Variants in PRDM8 observed in about 807,000 individuals in gnomAD.
The protein encoded by PRDM8 is PR/SET domain 8.
In PRDM8, 13 loss-of-function variants were observed where a neutral mutation model predicts 46.5. The observed-to-expected ratio is 0.28, with a 90% CI of 0.18 to 0.44. The LOEUF is 0.44. Among genes scored for constraint, PRDM8 ranks in the 20% least tolerant of loss-of-function variants. PRDM8 has a pLI of 1.00. For synonymous variants in PRDM8, 473 were observed against 438.4 expected, an observed-to-expected ratio of 1.08 and a Z score of -0.98; for missense variants, 998 against 955.0, an observed-to-expected ratio of 1.04 and a Z score of -0.59.
chr4:80,202,479 G>A lies in PRDM8; in HGVS notation c.1017G>A (p.Arg339=), dbSNP rs930494097. The A allele has an allele frequency of 6.5e-7, 1 of 1,542,716 alleles. No homozygotes were observed. The highest frequency in any genetic ancestry group is 8.7e-7 in the Non-Finnish European group (1 of 1,146,578). ...LVGGRGRFVE[R]PLPASKEDLV... ...GGGGCCGGGGCCGCTTCGTAGAGCGGCCCCTCCCGGCCTCCAAGGAGGATC... is the reference window on the plus strand; with the variant it reads ...GGGGCCGGGGCCGCTTCGTAGAGCGACCCCTCCCGGCCTCCAAGGAGGATC... The change falls in exon 4 of 4, where the codon CGG becomes CGA. Residue 339 remains arginine, a synonymous_variant. Coordinates refer to ENST00000415738, the MANE Select transcript of PRDM8 (RefSeq NM_001099403.2).
chr4:80,188,133 C>A (rs151249943), intron 1 of PRDM8, among the ~76,000 whole-genome samples: 1 of 152,226 alleles, frequency 6.6e-6, no homozygotes, highest in Non-Finnish European at 1.5e-5. Flanking sequence ...TACCACCCCA[C>A]ACACTGACAT....
In PRDM8 at chr4:80,204,313, A is replaced by G. The variant is rs1463060873; in HGVS notation, c.*781A>G. 6.6e-6 allele frequency: 1 copy of G among 152,580 alleles called. No homozygotes were observed. The highest frequency in any genetic ancestry group is 2.4e-5 in the African/African-American group (1 of 41,436). The allele number at this position is 152,580 out of a possible 1,614,324, so 9.5% of individuals were successfully genotyped here. On this transcript the variant is annotated 3_prime_UTR_variant, in exon 4 of 4. Coordinates refer to ENST00000415738, the MANE Select transcript of PRDM8 (RefSeq NM_001099403.2). ...TTGGATGCTTTGACAATAAATGACT[A>G]TTTTCTTCAAAGCAAATATTTGGAA...
intron 1 of PRDM8, among the ~76,000 whole-genome samples, chr4:80,186,730 A>G (rs894209075): frequency 6.6e-6 from 1 of 152,212 alleles, no homozygotes; most frequent in Non-Finnish European, 1.5e-5. Flanking sequence ...CCCCTGATGC[A>G]TGCGATATTG....
chr4:80,202,074 C>G lies in PRDM8; in HGVS notation c.612C>G (p.Gly204=), dbSNP rs1286069744. The G allele has an allele frequency of 6.2e-7, 1 of 1,612,922 alleles. No homozygotes were observed. The highest frequency in any genetic ancestry group is 8.5e-7 in the Non-Finnish European group (1 of 1,179,512). ...GGGVGTKDHG[G]GGGGGKDQQQ... The stretch of plus-strand genomic sequence containing the variant: ...GCGTGGGCACCAAGGACCACGGGGG[C>G]GGCGGCGGCGGTGGCAAAGACCAGC... Residue 204 remains glycine, a synonymous_variant, in exon 4 of 4, where the codon GGC becomes GGG. Transcript: ENST00000415738.
chr4:80,193,940 G>A (rs1271542683), upstream of PRDM8, among the ~76,000 whole-genome samples: 1 of 152,196 alleles, frequency 6.6e-6, no homozygotes, highest in African/African-American at 2.4e-5. Context: ...ATTCTCATGG[G>A]ATAATAATCT....
At chr4:80,196,234 A>G, upstream of PRDM8, 2 of 936,544 alleles carry the variant, frequency 2.1e-6, no homozygotes, top group African/African-American at 1.8e-5. Flanking sequence ...TTAGCTAGCT[A>G]CACAATCCGA....
intron 1 of PRDM8, among the ~76,000 whole-genome samples, chr4:80,188,170 A>C (rs376683395): frequency 1.3e-5 from 2 of 152,234 alleles, no homozygotes; most frequent in South Asian, 4.2e-4. Flanking sequence ...TTTCTCTCCA[A>C]AGAGGAAAAA....
chr4:80,203,655 TCACCGCCC>T lies in PRDM8; in HGVS notation c.*125_*132del, dbSNP rs1738760139. On this transcript the variant is annotated 3_prime_UTR_variant, in exon 4 of 4. Transcript: ENST00000415738. ...AAACCCTGCACAAAGACACATACAT[TCACCGCCC>T]CCCCGCCCCCCCAACGCGCACACAC... is the stretch of plus-strand genomic sequence containing the variant. The T allele has an allele frequency of 1.4e-6, 2 of 1,411,070 alleles. No homozygotes were observed. Among genetic ancestry groups the T allele is most frequent in the Non-Finnish European group, 1.8e-6 (2 of 1,084,186 alleles). 87.4% of individuals were successfully genotyped at this position (1,411,070 alleles called of 1,614,324 possible). A position where few individuals can be genotyped will look rare whatever the true frequency, so the allele number is the denominator to read the frequency against.
upstream of PRDM8, among the ~76,000 whole-genome samples, chr4:80,195,807 G>A (rs968170029): frequency 5.3e-5 from 8 of 151,878 alleles, no homozygotes; most frequent in African/African-American, 1.9e-4. Flanking sequence ...CTGAATATAT[G>A]GGGATTTTGC....
intron 1 of PRDM8, among the ~76,000 whole-genome samples, chr4:80,190,724 G>C (rs1737478098): frequency 6.6e-6 from 1 of 152,224 alleles, no homozygotes; most frequent in African/African-American, 2.4e-5. Flanking sequence ...GAGTCTAGCA[G>C]GCACTTCTGT....
rs1738585930 is a variant in PRDM8, at chr4:80,202,530, A to T, written c.1068A>T (p.Arg356=). 1 of 1,534,840 alleles carries T rather than the reference A, an allele frequency of 6.5e-7. No homozygotes were observed. The highest frequency in any genetic ancestry group is 1.4e-5 in the African/African-American group (1 of 72,794). The change falls in exon 4 of 4, where the codon CGA becomes CGT. Residue 356 remains arginine (R), a synonymous_variant. Transcript: ENST00000415738. ...TGGTGTGCACACCGCAGCAGTACCG[A>T]GCCTCGGGCAGCTACTTCGGCCTGG... ...EDLVCTPQQY[R]ASGSYFGLEE...
Position 80,197,513 on chromosome 4 carries a change from T to A in PRDM8, c.-253T>A, listed in dbSNP as rs969118637. On this transcript the variant is annotated 5_prime_UTR_variant, in exon 1 of 4. Coordinates refer to ENST00000415738, the MANE Select transcript of PRDM8 (RefSeq NM_001099403.2). ...GTCTGCGTGCCAGTCAGTCACTGCA[T>A]CGGGTCCATCTGTACAACTCTCTCC... 6 of 985,818 alleles carry A rather than the reference T, an allele frequency of 6.1e-6. No individual in the cohort carries two copies. The African/African-American group carries it at 8.7e-5, about 14-fold the overall frequency. 61.1% of individuals were successfully genotyped at this position (985,818 alleles called of 1,614,324 possible). A position where few individuals can be genotyped will look rare whatever the true frequency, so the allele number is the denominator to read the frequency against.
chr4:80,203,235 C>CGCGGCT lies in PRDM8; in HGVS notation c.1779_1784dup (p.Ala597_Ala598dup), dbSNP rs1395259146. 10 of 1,555,146 alleles carry CGCGGCT rather than the reference C, an allele frequency of 6.4e-6. No homozygotes were observed. In the African/African-American group the frequency reaches 6.9e-5, roughly 11 times the overall value. On this transcript the variant is annotated inframe_insertion, in exon 4 of 4. Coordinates refer to ENST00000415738, the MANE Select transcript of PRDM8 (RefSeq NM_001099403.2). ...CCAAGAGCTCCGCTGCCGCTGCAGC[C>CGCGGCT]GCGGCTGCGGCGGCGGCCGCGGGGC... is the stretch of plus-strand genomic sequence containing the variant.
chr4:80,187,968 T>A (rs79716927), intron 1 of PRDM8, among the ~76,000 whole-genome samples: 6,294 of 152,284 alleles, frequency 0.041, 416 homozygotes, highest in African/African-American at 0.14. Context: ...TTGTTGAGTG[T>A]CTTCCATGTT....
At chr4:80,185,821 TC>T (rs1737030199) in intron 1 of PRDM8, among the ~76,000 whole-genome samples, 1 of 152,240 alleles carries the variant, frequency 6.6e-6, no homozygotes. Flanking sequence ...GTCTTCCAGT[TC>T]CCTCATAATC....
chr4:80,201,475 T>C lies in PRDM8; in HGVS notation c.405T>C (p.Thr135=). The C allele has an allele frequency of 6.2e-7, 1 of 1,614,164 alleles. No homozygotes were observed. Among genetic ancestry groups the C allele is most frequent in the Non-Finnish European group, 8.5e-7 (1 of 1,179,982 alleles). The part of the protein sequence containing the change: ...ELLVWYGKEL[T]ELLLLCPSRS... ...TAGTTTGGTACGGGAAAGAACTGACTGAGTTACTCTTGCTCTGCCCCTCTA... is the reference window on the plus strand; with the variant it reads ...TAGTTTGGTACGGGAAAGAACTGACCGAGTTACTCTTGCTCTGCCCCTCTA... Residue 135 remains threonine, a synonymous_variant, in exon 3 of 4, where the codon ACT becomes ACC. Transcript: ENST00000415738.
upstream of PRDM8, among the ~76,000 whole-genome samples, chr4:80,195,397 A>G (rs1274030123): frequency 6.6e-6 from 1 of 152,110 alleles, no homozygotes; most frequent in Non-Finnish European, 1.5e-5. Context: ...CTATTCTTCA[A>G]ACCTGAGGTT....
At chr4:80,193,291 A>T (rs1245513236), upstream of PRDM8, among the ~76,000 whole-genome samples, 1 of 152,186 alleles carries the variant, frequency 6.6e-6, no homozygotes, top group African/African-American at 2.4e-5. Context: ...GAACAGACCT[A>T]AACTGAGTTT....
At chr4:80,198,335 T>C (rs577624217) in intron 1 of PRDM8, among the ~76,000 whole-genome samples, 59 of 152,208 alleles carry the variant, frequency 3.9e-4, no homozygotes, top group Non-Finnish European at 6.9e-4. Context: ...CCCGGCACAA[T>C]GAAATGCTTG....
Sources: allele counts gnomAD v4.1 joint callset (sites outside exome capture counted in the v4.1 genomes callset), GRCh38; gene constraint gnomAD v4.1.1; transcripts MANE v1.5; gene names NCBI Gene and HGNC (gene_info 2026-07-23, HGNC 2026-07-21).